Variants in GPR139 observed in about 807,000 individuals in gnomAD.
GPR139 encodes the protein G protein-coupled receptor 139, also known as probable G protein-coupled receptor 139.
GPR139 carries 12 observed loss-of-function variants against 25.8 expected under a neutral mutation model. That is an observed-to-expected ratio of 0.47 (90% CI 0.30 to 0.75). The LOEUF (loss-of-function observed/expected upper bound fraction) is 0.75, where lower values mean the gene tolerates loss of function less well. GPR139 is among the 30% of genes least tolerant of loss of function. The pLI is 0.07. For missense variants in GPR139, 380 were observed against 450.2 expected (o/e 0.84, Z 1.41); for synonymous variants, 184 against 179.9 (o/e 1.02, Z -0.18).
rs192805827 is a variant in GPR139 at position 20,031,416 on chromosome 16, G to T, written c.*319C>A. On this transcript the variant is annotated 3_prime_UTR_variant, in exon 2 of 2. Transcript: ENST00000570682. ...CAGTGACTGTGGATGGTACCAGGGC[G>T]AAATCACAGACTACTTCTCTACTTT... The T allele has an allele frequency of 3.0e-6, 1 of 335,212 alleles. No homozygotes were observed. The highest frequency in any genetic ancestry group is 6.3e-5 in the East Asian group (1 of 15,956). The allele number at this position is 335,212 out of a possible 1,614,324, so 20.8% of individuals were successfully genotyped here.
At position 20,031,776 on chromosome 16, in the gene GPR139, G is replaced by A; in HGVS notation, c.1021C>T (p.Gln341Ter). The A allele has an allele frequency of 6.2e-7, 1 of 1,614,156 alleles. No homozygotes were observed. Among genetic ancestry groups the A allele is most frequent in the Non-Finnish European group, 8.5e-7 (1 of 1,180,026 alleles). ...NSHCIKMLVY[Q>*]YDKNGKPIKV... ...ATAGGTTTTCCATTTTTGTCATACT[G>A]GTACACCAGCATCTTGATGCAGTGT... Residue 341 changes from glutamine (Q) to a stop codon, truncating the protein, a stop_gained, in exon 2 of 2, where the codon CAG becomes TAG. Coordinates refer to ENST00000570682, the MANE Select transcript of GPR139 (RefSeq NM_001002911.4). LOFTEE classifies it high-confidence loss of function.
In GPR139 at chr16:20,032,678, A is replaced by C. The variant is rs373334018; in HGVS notation, c.128-9T>G. On this transcript the variant is annotated splice_polypyrimidine_tract_variant and intron_variant, in intron 1 of 1. Transcript: ENST00000570682. ...CACTGTCAAGATATTTGCTGTGGAGAGAAGAAAAACTGGTTTAGCTCTGAA... is the reference window on the plus strand; with the variant it reads ...CACTGTCAAGATATTTGCTGTGGAGCGAAGAAAAACTGGTTTAGCTCTGAA... 4 of 1,590,360 alleles carry C rather than the reference A, an allele frequency of 2.5e-6. No individual in the cohort carries two copies. In the African/African-American group the frequency reaches 4.0e-5, roughly 16 times the overall value.
intron 1 of GPR139, among the ~76,000 whole-genome samples, chr16:20,065,357 T>C (rs2057428196): frequency 6.6e-6 from 1 of 152,168 alleles, no homozygotes; most frequent in Non-Finnish European, 1.5e-5. Flanking sequence ...GCTCCCTCAG[T>C]CCCTATCTTT....
At chr16:20,052,930 T>A (rs2057377516) in intron 1 of GPR139, among the ~76,000 whole-genome samples, 1 of 152,160 alleles carries the variant, frequency 6.6e-6, no homozygotes, top group Admixed American at 6.5e-5. Flanking sequence ...AAATGGTGCG[T>A]CACGGTGGTT....
At chr16:20,068,234 TGCA>T (rs1299025145) in intron 1 of GPR139, among the ~76,000 whole-genome samples, 20 of 52,880 alleles carry the variant, frequency 3.8e-4, no homozygotes, top group African/African-American at 2.0e-3. Context: ...ATCTATTTAA[TGCA>T]AAAAAAAAAA....
chr16:20,068,660 G>A (rs2057446547), intron 1 of GPR139, among the ~76,000 whole-genome samples: 1 of 152,078 alleles, frequency 6.6e-6, no homozygotes, highest in South Asian at 2.1e-4. Context: ...TAATAGGAGT[G>A]GTGAGAGCAG....
intron 1 of GPR139, among the ~76,000 whole-genome samples, chr16:20,051,447 C>A (rs556253534): frequency 2.6e-5 from 4 of 152,208 alleles, no homozygotes; most frequent in South Asian, 4.1e-4. Context: ...ATGGGACCCA[C>A]GTTCTCTTGG....
At chr16:20,051,587 G>A (rs2057372543) in intron 1 of GPR139, among the ~76,000 whole-genome samples, 1 of 152,190 alleles carries the variant, frequency 6.6e-6, no homozygotes, top group Admixed American at 6.5e-5. Flanking sequence ...TGGAGAAATT[G>A]TTTTTTGTAC....
intron 1 of GPR139, among the ~76,000 whole-genome samples, chr16:20,060,073 C>T (rs1429226221): frequency 1.3e-5 from 2 of 152,180 alleles, no homozygotes; most frequent in Non-Finnish European, 2.9e-5. Context: ...TCTCCAACCA[C>T]TGCCCATTCC....
At chr16:20,061,059 CTCTGTG>C (rs138905600) in intron 1 of GPR139, among the ~76,000 whole-genome samples, 6,345 of 77,306 alleles carry the variant, frequency 0.082, 156 homozygotes, top group Non-Finnish European at 0.12. Flanking sequence ...CTAGTCTTTC[CTCTGTG>C]TGTGTGTGTG....
chr16:20,038,343 G>GTC (rs2057318364), intron 1 of GPR139, among the ~76,000 whole-genome samples: 1 of 105,090 alleles, frequency 9.5e-6, no homozygotes, highest in Non-Finnish European at 2.1e-5. Context: ...GTGTGTGTGT[G>GTC]TGTGTGTGTG....
At chr16:20,045,125 G>A (rs1209121431) in intron 1 of GPR139, among the ~76,000 whole-genome samples, 2 of 150,580 alleles carry the variant, frequency 1.3e-5, no homozygotes, top group Non-Finnish European at 2.9e-5. Flanking sequence ...TCAGCCTCCC[G>A]AGATGCTGGG....
intron 1 of GPR139, among the ~76,000 whole-genome samples, chr16:20,037,533 C>T (rs2057314412): frequency 6.6e-6 from 1 of 151,572 alleles, no homozygotes. Context: ...GGATTCTAGG[C>T]AGTGGGATTG....
intron 1 of GPR139, among the ~76,000 whole-genome samples, chr16:20,067,436 TATG>T (rs1375476816): frequency 3.9e-5 from 6 of 152,238 alleles, no homozygotes; most frequent in Non-Finnish European, 7.3e-5. Flanking sequence ...ACAGGAGTCC[TATG>T]GTCAAATGTG....
intron 1 of GPR139, among the ~76,000 whole-genome samples, chr16:20,056,109 G>A (rs1216104754): frequency 6.6e-6 from 1 of 152,190 alleles, no homozygotes; most frequent in Non-Finnish European, 1.5e-5. Context: ...ATGTGGTGGT[G>A]GAAAGGCATG....
chr16:20,060,352 CTATG>C (rs1223686324), intron 1 of GPR139, among the ~76,000 whole-genome samples: 1 of 151,438 alleles, frequency 6.6e-6, no homozygotes. Flanking sequence ...GTGTGCATCT[CTATG>C]TGTGCAAGTT....
chr16:20,058,429 A>G (rs1424577610), intron 1 of GPR139, among the ~76,000 whole-genome samples: 1 of 152,184 alleles, frequency 6.6e-6, no homozygotes, highest in Non-Finnish European at 1.5e-5. Context: ...GGGGCAAGGC[A>G]GGGAACAGAA....
At chr16:20,045,761 G>T (rs553545336) in intron 1 of GPR139, among the ~76,000 whole-genome samples, 1 of 152,244 alleles carries the variant, frequency 6.6e-6, no homozygotes, top group Non-Finnish European at 1.5e-5. Flanking sequence ...CTGAGCTCCT[G>T]CCCATTGCCC....
At chr16:20,047,059 A>G (rs1355387067) in intron 1 of GPR139, among the ~76,000 whole-genome samples, 1 of 152,058 alleles carries the variant, frequency 6.6e-6, no homozygotes, top group Admixed American at 6.5e-5. Context: ...AACAAACTTT[A>G]GTCAGTGACT....
Sources: gnomAD v4.1 joint callset for allele counts (sites outside exome capture counted in the v4.1 genomes callset) on GRCh38, gnomAD v4.1.1 for gene constraint, MANE v1.5 for transcripts, NCBI Gene and HGNC (gene_info 2026-07-23, HGNC 2026-07-21) for gene names.